The following TAF3 variants were observed in gnomAD, a reference collection of about 807,000 sequenced individuals.
TAF3 encodes transcription initiation factor TFIID subunit 3.
TAF3 carries 7 observed loss-of-function variants against 80.6 expected under a neutral mutation model. The observed-to-expected ratio is 0.09, with a 90% CI of 0.05 to 0.16. The LOEUF (loss-of-function observed/expected upper bound fraction) is 0.16, where lower values mean the gene tolerates loss of function less well. TAF3 is among the 10% of genes least tolerant of loss of function. The probability of loss-of-function intolerance (pLI) is 1.00; values close to 1 mark genes in which losing one functional copy is unlikely to be tolerated. For missense variants in TAF3, 921 were observed against 1,140.2 expected (o/e 0.81, Z 2.77); for synonymous variants, 444 against 446.1 (o/e 1.00, Z 0.06).
intron 2 of TAF3, among the ~76,000 whole-genome samples, chr10:7,828,900 G>GC (rs1554775343): frequency 3.3e-5 from 5 of 150,790 alleles, no homozygotes; most frequent in Non-Finnish European, 7.4e-5. Flanking sequence ...TGGGTGTGGT[G>GC]GTGCCTGTAG....
At chr10:7,844,245 G>C (rs968228281) in intron 2 of TAF3, among the ~76,000 whole-genome samples, 4 of 151,956 alleles carry the variant, frequency 2.6e-5, no homozygotes, top group African/African-American at 9.7e-5. Context: ...TTAAATTACT[G>C]TCCATTATTG....
chr10:7,936,255 T>C (rs1308865506), intron 2 of TAF3, among the ~76,000 whole-genome samples: 1 of 152,196 alleles, frequency 6.6e-6, no homozygotes, highest in Non-Finnish European at 1.5e-5. Context: ...AATCCTTGCT[T>C]AATTGAAATT....
intron 4 of TAF3, among the ~76,000 whole-genome samples, chr10:7,983,068 G>T (rs1424644535): frequency 6.6e-6 from 1 of 152,206 alleles, no homozygotes; most frequent in Non-Finnish European, 1.5e-5. Context: ...GCCACCTGCA[G>T]GCTTGCCAAG....
intron 2 of TAF3, among the ~76,000 whole-genome samples, chr10:7,899,483 G>T (rs149420541): frequency 2.0e-5 from 3 of 152,182 alleles, no homozygotes; most frequent in Non-Finnish European, 4.4e-5. Flanking sequence ...TCTCTTTGCA[G>T]TGTTTCTTTC....
intron 2 of TAF3, among the ~76,000 whole-genome samples, chr10:7,885,276 C>CA (rs1837399586): frequency 2.2e-5 from 3 of 139,068 alleles, no homozygotes; most frequent in Admixed American, 7.2e-5. Flanking sequence ...ACACACACCC[C>CA]CACACACACA....
intron 1 of TAF3, among the ~76,000 whole-genome samples, chr10:7,823,634 C>G (rs1258468497): frequency 7.4e-6 from 1 of 135,910 alleles, no homozygotes; most frequent in Non-Finnish European, 1.6e-5. Context: ...GATGCCATCT[C>G]TTTTTTTTTT....
chr10:8,004,032 T>C (rs987856023), intron 4 of TAF3, among the ~76,000 whole-genome samples: 1 of 152,124 alleles, frequency 6.6e-6, no homozygotes, highest in African/African-American at 2.4e-5. Flanking sequence ...TTTAAACTTT[T>C]CAGTTTTATT....
chr10:7,906,707 G>A (rs552344674), intron 2 of TAF3, among the ~76,000 whole-genome samples: 12 of 151,568 alleles, frequency 7.9e-5, no homozygotes, highest in East Asian at 2.0e-4. Context: ...TAAATAGAGC[G>A]CAAGCAGCAT....
At chr10:7,982,181 A>C (rs1020728843) in intron 4 of TAF3, among the ~76,000 whole-genome samples, 2 of 152,080 alleles carry the variant, frequency 1.3e-5, no homozygotes, top group African/African-American at 4.8e-5. Flanking sequence ...TCTATACTTG[A>C]AGTGCTTTTT....
chr10:7,888,494 G>A (rs1837430511), intron 2 of TAF3, among the ~76,000 whole-genome samples: 1 of 141,584 alleles, frequency 7.1e-6, no homozygotes, highest in Admixed American at 7.7e-5. Flanking sequence ...TCGTATCACA[G>A]GCATGAGATC....
intron 3 of TAF3, among the ~76,000 whole-genome samples, chr10:7,968,934 C>T (rs542779958): frequency 6.6e-5 from 10 of 152,146 alleles, no homozygotes; most frequent in African/African-American, 9.7e-5. Flanking sequence ...AGTTCCCCTT[C>T]GTGGGCAGTC....
At chr10:7,850,660 G>A (rs1356318866) in intron 2 of TAF3, among the ~76,000 whole-genome samples, 1 of 149,298 alleles carries the variant, frequency 6.7e-6, no homozygotes, top group Non-Finnish European at 1.5e-5. Context: ...TAGCAAGAGA[G>A]CAAGACTCCA....
At chr10:7,928,837 C>G (rs1837840895) in intron 2 of TAF3, among the ~76,000 whole-genome samples, 1 of 152,056 alleles carries the variant, frequency 6.6e-6, no homozygotes, top group African/African-American at 2.4e-5. Flanking sequence ...ACCGAGACTT[C>G]TTGAAGACTG....
chr10:7,834,395 A>G (rs935022573), intron 2 of TAF3, among the ~76,000 whole-genome samples: 5 of 151,848 alleles, frequency 3.3e-5, no homozygotes, highest in Non-Finnish European at 5.9e-5. Flanking sequence ...TGAGATAAGG[A>G]TCCAATTTCA....
At chr10:8,003,758 A>G (rs1831966807) in intron 4 of TAF3, among the ~76,000 whole-genome samples, 1 of 152,220 alleles carries the variant, frequency 6.6e-6, no homozygotes, top group Admixed American at 6.5e-5. Context: ...AAACATTGCC[A>G]GTCTTGGCCA....
At chr10:7,850,066 T>C (rs1837012560) in intron 2 of TAF3, among the ~76,000 whole-genome samples, 1 of 152,206 alleles carries the variant, frequency 6.6e-6, no homozygotes, top group Non-Finnish European at 1.5e-5. Context: ...TTACAGGCTT[T>C]GCTTAAAATA....
chr10:7,840,310 G>C (rs559031794), intron 2 of TAF3, among the ~76,000 whole-genome samples: 1 of 151,748 alleles, frequency 6.6e-6, no homozygotes, highest in Non-Finnish European at 1.5e-5. Flanking sequence ...CCGCCACCAC[G>C]CCTGGCTAAT....
intron 2 of TAF3, among the ~76,000 whole-genome samples, chr10:7,889,275 G>A (rs1251463088): frequency 6.6e-6 from 1 of 152,134 alleles, no homozygotes; most frequent in African/African-American, 2.4e-5. Context: ...CACATTTGGG[G>A]AATGATCTCA....
intron 4 of TAF3, among the ~76,000 whole-genome samples, chr10:8,007,608 A>G (rs934350955): frequency 5.9e-5 from 3 of 50,554 alleles, no homozygotes; most frequent in African/African-American, 1.9e-4. Flanking sequence ...ATATATATAT[A>G]TACCTTTTTT....
Sources: allele counts gnomAD v4.1 joint callset (sites outside exome capture counted in the v4.1 genomes callset), GRCh38; gene constraint gnomAD v4.1.1; transcripts MANE v1.5; gene names NCBI Gene and HGNC (gene_info 2026-07-23, HGNC 2026-07-21).